NFE2L1: variants seen among roughly 807,000 people sequenced by gnomAD.
NFE2L1 encodes NFE2 like bZIP transcription factor 1, also known as endoplasmic reticulum membrane sensor NFE2L1.
NFE2L1 carries 18 observed loss-of-function variants against 61.6 expected under a neutral mutation model. That is an observed-to-expected ratio of 0.29 (90% CI 0.20 to 0.43). The LOEUF (loss-of-function observed/expected upper bound fraction) is 0.43, where lower values mean the gene tolerates loss of function less well. Ranked by LOEUF, NFE2L1 falls within the 20% of genes least tolerant of loss-of-function variation. The pLI, the probability that NFE2L1 is intolerant of heterozygous loss-of-function variation, is 1.00. For synonymous variants in NFE2L1, 419 were observed against 402.7 expected, an observed-to-expected ratio of 1.04 and a Z score of -0.48; for missense variants, 827 against 973.5, an observed-to-expected ratio of 0.85 and a Z score of 2.00.
chr17:48,059,803 A>T lies in NFE2L1; in HGVS notation c.*162A>T. Reference sequence around the variant, plus strand: ...GGTCAGTGTACAGGAAGAGGCAGGCACTGGCTGGCTCAGCTCCACTCGGGT... The same window carrying T: ...GGTCAGTGTACAGGAAGAGGCAGGCTCTGGCTGGCTCAGCTCCACTCGGGT... On this transcript the variant is annotated 3_prime_UTR_variant, in exon 6 of 6. Transcript: ENST00000362042. This position sits in a 1 kb window ranked among gnomAD's most constrained non-coding sequence, Gnocchi z 6.1. The T allele has an allele frequency of 9.0e-7, 1 of 1,112,538 alleles. No homozygotes were observed. The highest frequency in any genetic ancestry group is 1.2e-6 in the Non-Finnish European group (1 of 812,286). The allele number at this position is 1,112,538 out of a possible 1,614,324, so 68.9% of individuals were successfully genotyped here.
intron 5 of NFE2L1, 122 bp downstream of exon 5, chr17:48,057,624 G>A: frequency 7.8e-7 from 1 of 1,288,358 alleles, no homozygotes; most frequent in East Asian, 2.4e-5. Flanking sequence ...TAGAGAAGTG[G>A]GGACAATGAG....
intron 2 of NFE2L1, chr17:48,054,606 G>A: frequency 1.6e-6 from 2 of 1,233,682 alleles, no homozygotes; most frequent in Non-Finnish European, 2.0e-6. Context: ...CGGGGTGGGA[G>A]GGGGTGGGGA....
In NFE2L1 at chr17:48,059,326, G is replaced by A. The variant is rs752178202; in HGVS notation, c.2004G>A (p.Ala668=). ...IRRRGKNKMA[A]QNCRKRKLDT... is the part of the protein sequence containing the mutation. ...GCCGGGGCAAGAACAAGATGGCGGCGCAGAACTGCCGCAAGCGCAAGCTGG... is the reference window on the plus strand; with the variant it reads ...GCCGGGGCAAGAACAAGATGGCGGCACAGAACTGCCGCAAGCGCAAGCTGG... The change falls in exon 6 of 6, where the codon GCG becomes GCA. Residue 668 remains alanine, a synonymous_variant. Transcript: ENST00000362042. The surrounding 1 kb of genome is among the most constrained non-coding windows in gnomAD (Gnocchi z 6.1). 13 of 1,614,190 alleles carry A rather than the reference G, an allele frequency of 8.1e-6. No homozygotes were observed. Among genetic ancestry groups the A allele is most frequent in the South Asian group, 3.3e-5 (3 of 91,086 alleles).
intron 2 of NFE2L1, among the ~76,000 whole-genome samples, chr17:48,053,604 T>G (rs747991462): frequency 3.9e-5 from 6 of 152,204 alleles, no homozygotes; most frequent in Non-Finnish European, 5.9e-5. Context: ...GGGGGTGGCC[T>G]GTTTACAGCT....
chr17:48,057,361 C>T lies in NFE2L1; in HGVS notation c.831C>T (p.Ser277=). 6 of 1,613,716 alleles carry T rather than the reference C, an allele frequency of 3.7e-6. No individual in the cohort carries two copies. The highest frequency in any genetic ancestry group is 5.1e-6 in the Non-Finnish European group (6 of 1,179,888). The change falls in exon 5 of 6, where the codon TCC becomes TCT. Residue 277 remains serine (S), a synonymous_variant. Transcript: ENST00000362042. ...TGCCCTAGTTTCCAGCAGACATTTC[C>T]AGCATAACAGAAGCAGTGCCTAGTG... The part of the protein sequence containing the change: ...GENAEFPADI[S]SITEAVPSES...
chr17:48,058,477 G>A lies in NFE2L1; in HGVS notation c.1155G>A (p.Leu385=), dbSNP rs142827861. 78 of 1,613,648 alleles carry A rather than the reference G, an allele frequency of 4.8e-5. No individual in the cohort carries two copies. The African/African-American group carries it at 9.5e-4, about 20-fold the overall frequency. ...FLLFSPEVES[L]PVASSSTLLP... The stretch of plus-strand genomic sequence containing the variant: ...TCTTCAGCCCCGAGGTGGAAAGCCT[G>A]CCTGTGGCCAGTAGCTCCACGCTGC... Residue 385 remains leucine (L), a synonymous_variant, in exon 6 of 6, where the codon CTG becomes CTA. Coordinates refer to ENST00000362042, the MANE Select transcript of NFE2L1 (RefSeq NM_003204.3).
chr17:48,060,492 G>GCCTGCATGTGTATGCC lies in NFE2L1; in HGVS notation c.*852_*867dup, dbSNP rs1305565561. The GCCTGCATGTGTATGCC allele has an allele frequency of 6.5e-6, 1 of 152,976 alleles. No homozygotes were observed. The highest frequency in any genetic ancestry group is 1.5e-5 in the Non-Finnish European group (1 of 68,148). 9.5% of individuals were successfully genotyped at this position (152,976 alleles called of 1,614,324 possible). A position where few individuals can be genotyped will look rare whatever the true frequency, so the allele number is the denominator to read the frequency against. ...TGAGGCTCCCATTGTCTCCATCAGAGCCTGCATGTGTATGCCGTCCTCCCC... is the reference window on the plus strand; with the variant it reads ...TGAGGCTCCCATTGTCTCCATCAGAGCCTGCATGTGTATGCCCCTGCATGTGTATGCCGTCCTCCCC... On this transcript the variant is annotated 3_prime_UTR_variant, in exon 6 of 6. Transcript: ENST00000362042.
chr17:48,053,866 A>G (rs1028103435), intron 2 of NFE2L1, among the ~76,000 whole-genome samples: 1 of 152,190 alleles, frequency 6.6e-6, no homozygotes, highest in Non-Finnish European at 1.5e-5. Flanking sequence ...ATTTGTGGCC[A>G]GGAGAATGCA....
rs919891433 is a variant in NFE2L1, at chr17:48,058,463, G to A, written c.1141G>A (p.Glu381Lys). ...CSQDFLLFSP[E>K]VESLPVASSS... ...CCAGGACTTCTTACTCTTCAGCCCC[G>A]AGGTGGAAAGCCTGCCTGTGGCCAG... Residue 381 changes from glutamate (E) to lysine (K), a missense_variant, in exon 6 of 6, where the codon GAG becomes AAG. Glu to Lys is a moderately conservative substitution (Grantham distance 56). Coordinates refer to ENST00000362042, the MANE Select transcript of NFE2L1 (RefSeq NM_003204.3). 7.4e-6 allele frequency: 12 copies of A among 1,613,962 alleles called. No individual in the cohort carries two copies. The highest frequency in any genetic ancestry group is 1.7e-4 in the Middle Eastern group (1 of 6,060).
chr17:48,052,246 G>A (rs2037271635), intron 2 of NFE2L1, among the ~76,000 whole-genome samples: 1 of 152,234 alleles, frequency 6.6e-6, no homozygotes, highest in African/African-American at 2.4e-5. Flanking sequence ...TGCTGCCCAA[G>A]TCAACTTGCT....
Position 48,051,003 on chromosome 17 carries a change from C to A in NFE2L1, c.-116C>A. ...CCTTGTGTTCTGCCAGGGTGGGGTACGGGGTTTGACACTGAGGAGGGTAAC... is the reference window on the plus strand; with the variant it reads ...CCTTGTGTTCTGCCAGGGTGGGGTAAGGGGTTTGACACTGAGGAGGGTAAC... On this transcript the variant is annotated 5_prime_UTR_variant, in exon 2 of 6. Transcript: ENST00000362042. 13 of 1,276,028 alleles carry A rather than the reference C, an allele frequency of 1.0e-5. No individual in the cohort carries two copies. Among genetic ancestry groups the A allele is most frequent in the Non-Finnish European group, 1.3e-5 (12 of 905,050 alleles). The allele number at this position is 1,276,028 out of a possible 1,614,324, so 79.0% of individuals were successfully genotyped here.
chr17:48,057,732 C>T (rs2037439497), intron 5 of NFE2L1, among the ~76,000 whole-genome samples: 1 of 152,178 alleles, frequency 6.6e-6, no homozygotes, highest in South Asian at 2.1e-4. Context: ...CAAATCAGGG[C>T]CTGCCTCCTG....
rs916882422 is a variant in NFE2L1 at position 48,061,076 on chromosome 17, C to A, written c.*1435C>A. On this transcript the variant is annotated 3_prime_UTR_variant, in exon 6 of 6. Coordinates refer to ENST00000362042, the MANE Select transcript of NFE2L1 (RefSeq NM_003204.3). ...GAGCACCTCCCCAAACACACAAGCT[C>A]TCAGCCACAGGCAGCTTCTCCACAG... 6.6e-6 allele frequency: 1 copy of A among 152,638 alleles called. No homozygotes were observed. Among genetic ancestry groups the A allele is most frequent in the Non-Finnish European group, 1.5e-5 (1 of 68,054 alleles). 9.5% of individuals were successfully genotyped at this position (152,638 alleles called of 1,614,324 possible). A position where few individuals can be genotyped will look rare whatever the true frequency, so the allele number is the denominator to read the frequency against.
chr17:48,053,561 T>A (rs866331357), intron 2 of NFE2L1, among the ~76,000 whole-genome samples: 1 of 152,204 alleles, frequency 6.6e-6, no homozygotes, highest in Non-Finnish European at 1.5e-5. Flanking sequence ...AGGGATAGGA[T>A]TCCCCTTGAG....
intron 3 of NFE2L1, 99 bp downstream of exon 3, chr17:48,056,697 G>T: frequency 7.0e-7 from 1 of 1,420,410 alleles, no homozygotes; most frequent in African/African-American, 1.4e-5. Context: ...GAGAAGACAG[G>T]TGGTGTGTGG....
At chr17:48,058,209 G>C in intron 5 of NFE2L1, 86 bp from the exon 6 acceptor site, 1 of 1,495,600 alleles carries the variant, frequency 6.7e-7, no homozygotes, top group Non-Finnish European at 8.9e-7. Flanking sequence ...CCATGCAGCT[G>C]TGCCTCTGTT....
At position 48,061,536 on chromosome 17, in the gene NFE2L1, A is replaced by G. The variant is rs2037547730; in HGVS notation, c.*1895A>G. 6.6e-6 allele frequency: 1 copy of G among 152,138 alleles called. No homozygotes were observed. The highest frequency in any genetic ancestry group is 2.4e-5 in the African/African-American group (1 of 41,430). 9.4% of individuals were successfully genotyped at this position (152,138 alleles called of 1,614,324 possible). A position where few individuals can be genotyped will look rare whatever the true frequency, so the allele number is the denominator to read the frequency against. ...TTTAAATTGAGAATAAAGGAAATGG[A>G]CTCATTGTAGGGAGGACTGGCCATT... On this transcript the variant is annotated 3_prime_UTR_variant, in exon 6 of 6. Transcript: ENST00000362042.
chr17:48,051,710 C>G (rs2037257067), intron 2 of NFE2L1, 82 bp downstream of exon 2: 1 of 1,502,398 alleles, frequency 6.7e-7, no homozygotes, highest in Non-Finnish European at 8.9e-7. Context: ...GAACACTGAG[C>G]CCTGTAAAGA....
In NFE2L1 at chr17:48,051,075, A is replaced by G; in HGVS notation, c.-44A>G. ...CAGTGGCCTTGATTTGTCTTTTGGA[A>G]GATTTTAAAAACCAAAAAGCATAAA... On this transcript the variant is annotated 5_prime_UTR_variant, in exon 2 of 6. Transcript: ENST00000362042. The G allele has an allele frequency of 6.2e-7, 1 of 1,613,034 alleles. No homozygotes were observed. Among genetic ancestry groups the G allele is most frequent in the Non-Finnish European group, 8.5e-7 (1 of 1,179,528 alleles).
Sources: allele counts gnomAD v4.1 joint callset (sites outside exome capture counted in the v4.1 genomes callset), GRCh38; gene constraint gnomAD v4.1.1; non-coding constraint Gnocchi (gnomAD v3.1); transcripts MANE v1.5; gene names NCBI Gene and HGNC (gene_info 2026-07-23, HGNC 2026-07-21).